Variants in NUSAP1 observed in about 807,000 individuals in gnomAD.
NUSAP1 encodes nucleolar and spindle associated protein 1, also known as nucleolar and spindle-associated protein 1.
Under a neutral mutation model 52.8 loss-of-function variants are expected in NUSAP1, and 32 were observed. That is an observed-to-expected ratio of 0.61 (90% confidence interval 0.46 to 0.81). The LOEUF is 0.81. NUSAP1 is among the 40% of genes least tolerant of loss of function. The pLI, the probability that NUSAP1 is intolerant of heterozygous loss-of-function variation, is 0.00. For missense variants in NUSAP1, 499 were observed against 522.3 expected, an observed-to-expected ratio of 0.96 and a Z score of 0.43; for synonymous variants, 195 against 183.1, an observed-to-expected ratio of 1.06 and a Z score of -0.52.
chr15:41,334,619 A>G (rs1481784952), intron 1 of NUSAP1, among the ~76,000 whole-genome samples: 2 of 152,138 alleles, frequency 1.3e-5, no homozygotes, highest in Non-Finnish European at 2.9e-5. Flanking sequence ...ATCCCTGAAC[A>G]CTTGGCACTT....
chr15:41,361,991 CTT>C (rs2049195230), intron 6 of NUSAP1, among the ~76,000 whole-genome samples: 1 of 152,104 alleles, frequency 6.6e-6, no homozygotes, highest in East Asian at 1.9e-4. Flanking sequence ...GACAGCCTCT[CTT>C]TGACTTTTAT....
chr15:41,375,928 T>G, intron 9 of NUSAP1, 100 bp downstream of exon 9: 1 of 747,916 alleles, frequency 1.3e-6, no homozygotes, highest in South Asian at 1.5e-5. Context: ...TAGCCAGGCG[T>G]GGTGGCAGGC....
chr15:41,372,790 A>G (rs938087491), intron 8 of NUSAP1, among the ~76,000 whole-genome samples: 4 of 152,136 alleles, frequency 2.6e-5, no homozygotes, highest in East Asian at 1.9e-4. Context: ...GCTTCCCCCT[A>G]TGAAAAGAAA....
At chr15:41,376,120 C>T (rs187493689) in intron 9 of NUSAP1, among the ~76,000 whole-genome samples, 119 of 152,170 alleles carry the variant, frequency 7.8e-4, no homozygotes, top group African/African-American at 2.3e-3. Flanking sequence ...TGCGGCCGGG[C>T]GCAGTGGCTC....
At chr15:41,337,931 C>CTTTTTTTTTTTTTTTTTTTTT (rs757341496) in intron 1 of NUSAP1, among the ~76,000 whole-genome samples, 3 of 110,960 alleles carry the variant, frequency 2.7e-5, no homozygotes, top group Admixed American at 1.0e-4. Context: ...TTTCTTTTTT[C>CTTTTTTTTTTTTTTTTTTTTT]TTTTTTTTTT....
At chr15:41,362,235 TTATC>T (rs999340484) in intron 6 of NUSAP1, among the ~76,000 whole-genome samples, 7 of 151,842 alleles carry the variant, frequency 4.6e-5, no homozygotes, top group African/African-American at 1.4e-4. Flanking sequence ...TTTAATTAAT[TTATC>T]TATTTATTTA....
chr15:41,365,808 C>A (rs898212831), intron 7 of NUSAP1: 8 of 237,440 alleles, frequency 3.4e-5, no homozygotes, highest in South Asian at 7.6e-5. Flanking sequence ...GCAACCTCCG[C>A]CTCCCAGGTT....
At chr15:41,344,754 A>G (rs1039229793) in intron 2 of NUSAP1, among the ~76,000 whole-genome samples, 8 of 152,182 alleles carry the variant, frequency 5.3e-5, no homozygotes, top group Non-Finnish European at 1.0e-4. Flanking sequence ...CAGCCTGGCT[A>G]ACATGGCAAA....
chr15:41,376,677 C>G (rs941737474), intron 9 of NUSAP1, among the ~76,000 whole-genome samples: 1 of 150,712 alleles, frequency 6.6e-6, no homozygotes, highest in African/African-American at 2.4e-5. Flanking sequence ...GGCGACAGAA[C>G]GAGACTCTGT....
intron 1 of NUSAP1, among the ~76,000 whole-genome samples, chr15:41,336,985 T>C (rs997043800): frequency 5.3e-5 from 8 of 150,564 alleles, no homozygotes; most frequent in African/African-American, 1.7e-4. Flanking sequence ...CCCCCCTTTT[T>C]TTCCTTTCCT....
At chr15:41,347,939 A>G (rs2048641348) in intron 2 of NUSAP1, among the ~76,000 whole-genome samples, 3 of 152,134 alleles carry the variant, frequency 2.0e-5, no homozygotes, top group Admixed American at 2.0e-4. Flanking sequence ...CCTGGGCAAC[A>G]TAGTGAGACC....
chr15:41,359,821 C>T lies in NUSAP1; in HGVS notation c.660+1563C>T, dbSNP rs561807541. Among the ~76,000 whole-genome samples the T allele has an allele frequency of 9.5e-5, 14 of 147,480 alleles. No individual in the cohort carries two copies. In the South Asian group the frequency reaches 2.8e-3, roughly 30 times the overall value. Reference sequence around the variant, plus strand: ...CTAATTTTTTTATTTTTAGTAGAGACGGGTTTTCACCATGTTGGCCAGGCT... The same window carrying T: ...CTAATTTTTTTATTTTTAGTAGAGATGGGTTTTCACCATGTTGGCCAGGCT... On this transcript the variant is annotated intron_variant, in intron 6 of 10. Coordinates refer to ENST00000559596, the MANE Select transcript of NUSAP1 (RefSeq NM_016359.5).
Position 41,352,197 on chromosome 15 carries a change from C to G in NUSAP1, c.448+1068C>G, listed in dbSNP as rs181544295. Among the ~76,000 whole-genome samples, 400 of 152,252 alleles carry G rather than the reference C, an allele frequency of 2.6e-3. 1 individual carries two copies. The highest frequency in any genetic ancestry group is 9.1e-3 in the African/African-American group (379 of 41,564). On this transcript the variant is annotated intron_variant, in intron 4 of 10. Transcript: ENST00000559596. ...GACCTCGTGATCCACCCACCTCAGC[C>G]TCCCAAAGTGCTGAGATTACAGGCG...
At chr15:41,378,944 GTTTTTT>G (rs1187469450) in intron 10 of NUSAP1, among the ~76,000 whole-genome samples, 32 of 63,260 alleles carry the variant, frequency 5.1e-4, no homozygotes, top group African/African-American at 1.9e-3. Context: ...ACTTATCTTG[GTTTTTT>G]TTTTTTTTTT....
At chr15:41,358,576 AAAATACAGAAAATTAG>A (rs1251829259) in intron 6 of NUSAP1, among the ~76,000 whole-genome samples, 2 of 152,154 alleles carry the variant, frequency 1.3e-5, no homozygotes, top group Non-Finnish European at 2.9e-5. Context: ...GTCTCTACAA[AAAATACAGAAAATTAG>A]TAGGGGGTGG....
At chr15:41,334,993 G>A (rs561927167) in intron 1 of NUSAP1, among the ~76,000 whole-genome samples, 12 of 152,264 alleles carry the variant, frequency 7.9e-5, no homozygotes, top group South Asian at 4.1e-4. Context: ...TGAAACTGGA[G>A]ATAGGTACAT....
At chr15:41,366,571 C>T (rs546704610) in intron 7 of NUSAP1, among the ~76,000 whole-genome samples, 15 of 152,296 alleles carry the variant, frequency 9.8e-5, no homozygotes, top group African/African-American at 1.7e-4. Context: ...CATGAGCCAC[C>T]GCGCCTGGCC....
chr15:41,340,411 G>A (rs2048330677), intron 1 of NUSAP1, among the ~76,000 whole-genome samples: 1 of 151,938 alleles, frequency 6.6e-6, no homozygotes, highest in Non-Finnish European at 1.5e-5. Flanking sequence ...TAGCTTTCTT[G>A]GGTAACTGTT....
intron 4 of NUSAP1, among the ~76,000 whole-genome samples, chr15:41,353,394 G>C (rs926803096): frequency 6.6e-6 from 1 of 151,966 alleles, no homozygotes; most frequent in Non-Finnish European, 1.5e-5. Context: ...GGCCCACTTC[G>C]GCCTCCCAAA....
Sources: allele counts gnomAD v4.1 joint callset (sites outside exome capture counted in the v4.1 genomes callset), GRCh38; gene constraint gnomAD v4.1.1; transcripts MANE v1.5; gene names NCBI Gene and HGNC (gene_info 2026-07-23, HGNC 2026-07-21).